UBASH3A: variants seen among roughly 807,000 people sequenced by gnomAD.
UBASH3A encodes the protein ubiquitin associated and SH3 domain containing A, also known as ubiquitin-associated and SH3 domain-containing protein A.
In UBASH3A, 63 loss-of-function variants were observed where a neutral mutation model predicts 73.5. The ratio of observed to expected loss-of-function variants is 0.86; its 90% CI spans 0.70 to 1.06. UBASH3A has a LOEUF of 1.06. UBASH3A is among the 50% of genes least tolerant of loss of function. The pLI, the probability that UBASH3A is intolerant of heterozygous loss-of-function variation, is 0.00. For synonymous variants in UBASH3A, 363 were observed against 351.1 expected (o/e 1.03, Z -0.38); for missense variants, 860 against 859.0 (o/e 1.00, Z -0.02).
intron 9 of UBASH3A, among the ~76,000 whole-genome samples, chr21:42,433,726 C>A (rs577019904): frequency 1.3e-5 from 2 of 152,326 alleles, no homozygotes; most frequent in African/African-American, 4.8e-5. Flanking sequence ...AGAGTCTCTG[C>A]CCATGGAAAT....
intron 14 of UBASH3A, among the ~76,000 whole-genome samples, chr21:42,445,759 G>A (rs938196486): frequency 6.6e-6 from 1 of 152,144 alleles, no homozygotes; most frequent in Admixed American, 6.5e-5. Flanking sequence ...ATGTCTCCAG[G>A]GTGGTGTGTC....
intron 7 of UBASH3A, among the ~76,000 whole-genome samples, chr21:42,420,510 C>T (rs1330438365): frequency 6.6e-6 from 1 of 152,130 alleles, no homozygotes; most frequent in Admixed American, 6.5e-5. Flanking sequence ...ATGTATCACA[C>T]ACATATATAT....
chr21:42,422,310 CT>C (rs1315977419), intron 7 of UBASH3A, among the ~76,000 whole-genome samples: 40 of 152,384 alleles, frequency 2.6e-4, no homozygotes, highest in African/African-American at 9.6e-4. Flanking sequence ...CCACTTAAAT[CT>C]ATTTTAAGGC....
chr21:42,415,568 G>C (rs150727984), intron 5 of UBASH3A, among the ~76,000 whole-genome samples: 1 of 152,206 alleles, frequency 6.6e-6, no homozygotes, highest in Non-Finnish European at 1.5e-5. Flanking sequence ...GCCGTGGAGT[G>C]GGGGCAGGGT....
At chr21:42,445,647 C>T (rs2053831107) in intron 14 of UBASH3A, among the ~76,000 whole-genome samples, 2 of 152,202 alleles carry the variant, frequency 1.3e-5, no homozygotes, top group African/African-American at 2.4e-5. Flanking sequence ...GCATGCCTGC[C>T]GTGGGTCATT....
At position 42,404,384 on chromosome 21, in the gene UBASH3A, A is replaced by AT. The variant is rs113136706; in HGVS notation, c.113+336dup. ...GTAAACTTTCTTAAAATATTATGAG[A>AT]TTTTTTTTTTAGCTCATTAGCTATT... On this transcript the variant is annotated intron_variant, in intron 1 of 14. Transcript: ENST00000319294. 3.6e-4 allele frequency among the ~76,000 whole-genome samples: 54 copies of AT among 150,514 alleles called. 1 individual carries two copies. The East Asian group carries it at 8.4e-3, about 23-fold the overall frequency.
chr21:42,444,619 G>A lies in UBASH3A; in HGVS notation c.1824G>A (p.Gly608=). 1 of 1,614,174 alleles carries A rather than the reference G, an allele frequency of 6.2e-7. No individual in the cohort carries two copies. The highest frequency in any genetic ancestry group is 1.1e-5 in the South Asian group (1 of 91,088). ...PLLGLPPREC[G]DFAQLVRKIP... is the part of the protein sequence containing the mutation. Reference sequence around the variant, plus strand: ...TCGGGCTGCCGCCCCGGGAATGTGGGGATTTTGCCCAACTCGTGAGAAAGG... The same window carrying A: ...TCGGGCTGCCGCCCCGGGAATGTGGAGATTTTGCCCAACTCGTGAGAAAGG... Residue 608 remains glycine (G), a synonymous_variant, in exon 14 of 15, where the codon GGG becomes GGA. Transcript: ENST00000319294.
In UBASH3A at chr21:42,434,927, T is replaced by A; in HGVS notation, c.1366T>A (p.Cys456Ser). Residue 456 changes from cysteine to serine, a missense_variant, in exon 10 of 15, where the codon TGT (cysteine) becomes AGT (serine). By Grantham distance (112) the Cys-to-Ser change is moderately radical (BLOSUM62 -1). Coordinates refer to ENST00000319294, the MANE Select transcript of UBASH3A (RefSeq NM_018961.4). ...DFENDPPLSS[C>S]GIFQSRIAGD... ...TGAAAACGATCCCCCATTATCATCGTGTGGCATTTTCCAGTCCAGAATTGC... is the reference window on the plus strand; with the variant it reads ...TGAAAACGATCCCCCATTATCATCGAGTGGCATTTTCCAGTCCAGAATTGC... 1 of 1,614,186 alleles carries A rather than the reference T, an allele frequency of 6.2e-7. No individual in the cohort carries two copies.
Position 42,409,618 on chromosome 21 carries a change from C to T in UBASH3A, c.354+10C>T. On this transcript the variant is annotated intron_variant, in intron 3 of 14. Coordinates refer to ENST00000319294, the MANE Select transcript of UBASH3A (RefSeq NM_018961.4). The stretch of plus-strand genomic sequence containing the variant: ...CTGTGACTTCTTCACGGTGAGTCAA[C>T]CCAGTGTGCCTTCAATGCTCACGGC... 2.5e-6 allele frequency: 4 copies of T among 1,603,586 alleles called. No homozygotes were observed. The highest frequency in any genetic ancestry group is 1.7e-4 in the Middle Eastern group (1 of 6,018).
chr21:42,424,725 T>C (rs1335577585), intron 7 of UBASH3A, among the ~76,000 whole-genome samples: 1 of 152,328 alleles, frequency 6.6e-6, no homozygotes. Context: ...AAGGGCTAAA[T>C]TGCATTCTGC....
intron 2 of UBASH3A, among the ~76,000 whole-genome samples, chr21:42,406,860 A>G (rs1446650581): frequency 6.6e-6 from 1 of 152,210 alleles, no homozygotes; most frequent in Non-Finnish European, 1.5e-5. Flanking sequence ...ACTGCCTACT[A>G]CGATGGATAA....
At chr21:42,421,992 G>A (rs376265868) in intron 7 of UBASH3A, among the ~76,000 whole-genome samples, 4 of 152,290 alleles carry the variant, frequency 2.6e-5, no homozygotes, top group African/African-American at 9.6e-5. Flanking sequence ...GACTATGGCT[G>A]ATTTCTTTAA....
rs2053855027 is a variant in UBASH3A, at chr21:42,447,038, A to T, written c.1849-19A>T. ...ACTTGCTATAAGATATTAACAAGTG[A>T]TTTAAAACTCTGTTCCAGATCCCTT... On this transcript the variant is annotated intron_variant, in intron 14 of 14. Transcript: ENST00000319294. 2 of 1,607,032 alleles carry T rather than the reference A, an allele frequency of 1.2e-6. No homozygotes were observed. Among genetic ancestry groups the T allele is most frequent in the African/African-American group, 1.3e-5 (1 of 74,334 alleles).
intron 5 of UBASH3A, among the ~76,000 whole-genome samples, chr21:42,415,833 CT>C (rs1186544088): frequency 6.6e-6 from 1 of 152,204 alleles, no homozygotes; most frequent in Non-Finnish European, 1.5e-5. Flanking sequence ...ACATAAAATA[CT>C]TTGTGGCTCA....
At chr21:42,423,945 T>C (rs2053389655) in intron 7 of UBASH3A, among the ~76,000 whole-genome samples, 1 of 152,092 alleles carries the variant, frequency 6.6e-6, no homozygotes, top group African/African-American at 2.4e-5. Flanking sequence ...ACGGGAGCTG[T>C]TGGACTCCAC....
chr21:42,432,188 G>A lies in UBASH3A; in HGVS notation c.1256G>A (p.Cys419Tyr). 6.2e-7 allele frequency: 1 copy of A among 1,612,540 alleles called. No homozygotes were observed. The highest frequency in any genetic ancestry group is 8.5e-7 in the Non-Finnish European group (1 of 1,178,954). ...TTCGGGAAGGCATGGCTGCAGCAAT[G>A]CTCCACTCCTGATGGTAGGTCACAC... ...QIFGKAWLQQ[C>Y]STPDGKYYRP... is the part of the protein sequence containing the mutation. The change falls in exon 9 of 15, where the codon TGC (cysteine) becomes TAC (tyrosine). Residue 419 changes from cysteine (C) to tyrosine (Y), a missense_variant. Coordinates refer to ENST00000319294, the MANE Select transcript of UBASH3A (RefSeq NM_018961.4).
chr21:42,413,596 TG>T lies in UBASH3A; in HGVS notation c.667+75del. 6 of 1,187,942 alleles carry T rather than the reference TG, an allele frequency of 5.1e-6. No homozygotes were observed. The highest frequency in any genetic ancestry group is 7.3e-6 in the Non-Finnish European group (6 of 826,598). The allele number at this position is 1,187,942 out of a possible 1,614,324, so 73.6% of individuals were successfully genotyped here. A position where few individuals can be genotyped will look rare whatever the true frequency, so the allele number is the denominator to read the frequency against. On this transcript the variant is annotated intron_variant, in intron 5 of 14. Transcript: ENST00000319294. This position sits in a 1 kb window ranked among gnomAD's most constrained non-coding sequence, Gnocchi z 4.5. Reference sequence around the variant, plus strand: ...CGGGAATAGCCTTGTTCTCATTATGTGGTTTTTAAAATGCTTAGCTATATGC... The same window carrying T: ...CGGGAATAGCCTTGTTCTCATTATGTGTTTTTAAAATGCTTAGCTATATGC...
rs2053580537 is a variant in UBASH3A at position 42,433,868 on chromosome 21, TG to T, written c.1271-963del. On this transcript the variant is annotated intron_variant, in intron 9 of 14. Coordinates refer to ENST00000319294, the MANE Select transcript of UBASH3A (RefSeq NM_018961.4). ...GTTTGTGCAAGGCTGTGGGCCAGGA[TG>T]AAGGGGCCTGGCATATTCTGGGGTG... 2.6e-5 allele frequency among the ~76,000 whole-genome samples: 4 copies of T among 152,214 alleles called. No homozygotes were observed. In the South Asian group the frequency reaches 8.3e-4, roughly 32 times the overall value.
At chr21:42,407,514 A>G (rs952086787) in intron 2 of UBASH3A, among the ~76,000 whole-genome samples, 5 of 152,206 alleles carry the variant, frequency 3.3e-5, no homozygotes, top group African/African-American at 7.2e-5. Flanking sequence ...TAGGAACCCC[A>G]CCAAAAAATA....
Sources: gnomAD v4.1 joint callset for allele counts (sites outside exome capture counted in the v4.1 genomes callset) on GRCh38, gnomAD v4.1.1 for gene constraint, Gnocchi (gnomAD v3.1) non-coding constraint, MANE v1.5 for transcripts, NCBI Gene and HGNC (gene_info 2026-07-23, HGNC 2026-07-21) for gene names.